The following NRXN1 variants were observed in gnomAD, a reference collection of about 807,000 sequenced individuals.
NRXN1 encodes neurexin 1.
In NRXN1, 39 loss-of-function variants were observed where a neutral mutation model predicts 150.9. The ratio of observed to expected loss-of-function variants is 0.26; its 90% CI spans 0.20 to 0.34. The LOEUF is 0.34. NRXN1 is among the 10% of genes least tolerant of loss of function. The pLI is 1.00. For missense variants in NRXN1, 1,815 were observed against 1,949.9 expected (o/e 0.93, Z 1.30); for synonymous variants, 924 against 757.0 (o/e 1.22, Z -3.62).
intron 18 of NRXN1, among the ~76,000 whole-genome samples, chr2:50,175,691 A>T (rs2060311554): frequency 6.6e-6 from 1 of 152,142 alleles, no homozygotes; most frequent in African/African-American, 2.4e-5. Flanking sequence ...AAAACTGCTT[A>T]ATTTTATGTA....
chr2:50,791,278 G>C (rs1253862621), intron 5 of NRXN1, among the ~76,000 whole-genome samples: 4 of 116,744 alleles, frequency 3.4e-5, no homozygotes, highest in African/African-American at 1.3e-4. Context: ...GATAGAAATA[G>C]TCAAAATGCT....
intron 5 of NRXN1, among the ~76,000 whole-genome samples, chr2:50,802,801 G>T (rs574593726): frequency 3.3e-5 from 5 of 152,054 alleles, no homozygotes; most frequent in Non-Finnish European, 7.4e-5. Context: ...AGAGGGAGGA[G>T]GATGTGAAAA....
At chr2:50,337,925 C>T (rs893858369) in intron 17 of NRXN1, among the ~76,000 whole-genome samples, 4 of 152,168 alleles carry the variant, frequency 2.6e-5, no homozygotes, top group African/African-American at 9.6e-5. Context: ...GATATCAATA[C>T]CTTGTGTATT....
chr2:50,735,850 G>A (rs549312262), intron 5 of NRXN1, among the ~76,000 whole-genome samples: 16 of 152,034 alleles, frequency 1.1e-4, no homozygotes, highest in African/African-American at 3.1e-4. Context: ...TACATCTGCC[G>A]TACTGCCAAC....
In NRXN1 at chr2:51,027,914, G is replaced by A. The variant is rs764683877; in HGVS notation, c.360C>T (p.Arg120=). The part of the protein sequence containing the change: ...NDGAWHSVRI[R]RQFRNTTLFI... ...AGAGCGTGGTGTTGCGGAACTGGCG[G>A]CGGATGCGCACGCTGTGCCAGGCGC... The change falls in exon 2 of 23, where the codon CGC becomes CGT. Residue 120 remains arginine (R), a synonymous_variant. Transcript: ENST00000401669. 1 of 1,608,256 alleles carries A rather than the reference G, an allele frequency of 6.2e-7. No homozygotes were observed. The highest frequency in any genetic ancestry group is 1.1e-5 in the South Asian group (1 of 91,080).
chr2:50,424,638 C>T (rs1368684129), intron 17 of NRXN1, among the ~76,000 whole-genome samples: 2 of 152,048 alleles, frequency 1.3e-5, no homozygotes, highest in African/African-American at 2.4e-5. Context: ...CAGTATCAAG[C>T]ACAACTTAAT....
intron 5 of NRXN1, among the ~76,000 whole-genome samples, chr2:50,760,515 A>G (rs145762741): frequency 5.1e-4 from 78 of 151,906 alleles, no homozygotes; most frequent in African/African-American, 1.8e-3. Flanking sequence ...TGGAATTTGT[A>G]CAGCTGTTGT....
intron 21 of NRXN1, among the ~76,000 whole-genome samples, chr2:50,012,120 A>C (rs1232045000): frequency 6.6e-6 from 1 of 152,142 alleles, no homozygotes; most frequent in Non-Finnish European, 1.5e-5. Context: ...TGGTAACAAC[A>C]ATAATGGTTC....
At chr2:50,551,107 AGGGGGAGG>A (rs1667461818) in intron 9 of NRXN1, among the ~76,000 whole-genome samples, 6 of 40,912 alleles carry the variant, frequency 1.5e-4, no homozygotes, top group Admixed American at 3.2e-4. Flanking sequence ...AGGAGGAGGG[AGGGGGAGG>A]GGGAGGGGGA....
chr2:50,881,885 G>A (rs1406101984), intron 5 of NRXN1, among the ~76,000 whole-genome samples: 5 of 151,630 alleles, frequency 3.3e-5, no homozygotes, highest in South Asian at 4.1e-4. Context: ...TTTGCCAGCT[G>A]AGAACATACT....
At chr2:50,325,342 G>C (rs1292287669) in intron 17 of NRXN1, among the ~76,000 whole-genome samples, 1 of 152,206 alleles carries the variant, frequency 6.6e-6, no homozygotes, top group Non-Finnish European at 1.5e-5. Flanking sequence ...CACTGGAAGG[G>C]AAGATATGAA....
chr2:51,002,336 C>T (rs1384622295), intron 2 of NRXN1, among the ~76,000 whole-genome samples: 5 of 151,944 alleles, frequency 3.3e-5, no homozygotes, highest in Non-Finnish European at 5.9e-5. Flanking sequence ...ACCAGAAGCA[C>T]TAATAAAATG....
intron 22 of NRXN1, among the ~76,000 whole-genome samples, chr2:49,929,733 C>CT (rs1418436616): frequency 6.6e-6 from 1 of 151,972 alleles, no homozygotes; most frequent in African/African-American, 2.4e-5. Context: ...TTTTTTTTCT[C>CT]TAAGAAAATC....
intron 21 of NRXN1, among the ~76,000 whole-genome samples, chr2:50,048,843 A>T (rs553218041): frequency 1.3e-5 from 2 of 152,158 alleles, no homozygotes; most frequent in Non-Finnish European, 2.9e-5. Context: ...CTGCTCCAAT[A>T]CATTTCACTC....
chr2:50,955,456 G>A (rs1692128720), intron 2 of NRXN1, among the ~76,000 whole-genome samples: 1 of 152,138 alleles, frequency 6.6e-6, no homozygotes, highest in Admixed American at 6.5e-5. Flanking sequence ...AAATTTTAAA[G>A]CAGGCTTTTT....
intron 2 of NRXN1, among the ~76,000 whole-genome samples, chr2:50,983,901 A>G (rs929283824): frequency 6.6e-6 from 1 of 152,050 alleles, no homozygotes; most frequent in Admixed American, 6.6e-5. Flanking sequence ...GACATTAGCT[A>G]CTAACAAATA....
intron 21 of NRXN1, among the ~76,000 whole-genome samples, chr2:50,009,409 T>G (rs994367302): frequency 3.9e-5 from 6 of 152,158 alleles, no homozygotes; most frequent in African/African-American, 1.2e-4. Context: ...GAGGCTCAAG[T>G]AACTTAAAAA....
At chr2:50,988,329 G>T (rs1698027459) in intron 2 of NRXN1, among the ~76,000 whole-genome samples, 1 of 151,932 alleles carries the variant, frequency 6.6e-6, no homozygotes, top group Non-Finnish European at 1.5e-5. Flanking sequence ...GACTTTAGAT[G>T]CAAACCATTT....
chr2:50,299,424 TTA>T lies in NRXN1; in HGVS notation c.3365-62456_3365-62455del, dbSNP rs879606416. ...GTCATTGTCCAATTTTTTTTTTTTT[TTA>T]AAACTGACTTCTAAATTTATTTTTT... On this transcript the variant is annotated intron_variant, in intron 17 of 22. Transcript: ENST00000401669. 3.0e-3 allele frequency among the ~76,000 whole-genome samples: 310 copies of T among 103,566 alleles called. 2 individuals carry two copies. Among genetic ancestry groups the T allele is most frequent in the Non-Finnish European group, 4.6e-3 (215 of 47,200 alleles). The allele number at this position is 103,566 out of a possible 152,430, so 67.9% of individuals were successfully genotyped here. A position where few individuals can be genotyped will look rare whatever the true frequency, so the allele number is the denominator to read the frequency against.
Sources: allele counts gnomAD v4.1 joint callset (sites outside exome capture counted in the v4.1 genomes callset), GRCh38; gene constraint gnomAD v4.1.1; transcripts MANE v1.5; gene names NCBI Gene and HGNC (gene_info 2026-07-23, HGNC 2026-07-21).